Variants in CAST observed in about 807,000 individuals in gnomAD.
CAST encodes the protein calpastatin, also known as MIR583 host.
CAST carries 76 observed loss-of-function variants against 119.6 expected under a neutral mutation model. The ratio of observed to expected loss-of-function variants is 0.64; its 90% confidence interval spans 0.53 to 0.77. CAST has a LOEUF of 0.77. Among genes scored for constraint, CAST ranks in the 30% least tolerant of loss-of-function variants. CAST has a pLI of 0.00. For synonymous variants in CAST, 319 were observed against 331.6 expected (o/e 0.96, Z 0.41); for missense variants, 953 against 946.5 (o/e 1.01, Z -0.09).
the CAST span, among the ~76,000 whole-genome samples, chr5:96,038,501 C>T: frequency 6.6e-6 from 1 of 151,896 alleles, no homozygotes; most frequent in African/African-American, 2.4e-5. Flanking sequence ...AGGTATTTCT[C>T]CTAATGTTAT....
chr5:96,109,548 G>T, the CAST span, among the ~76,000 whole-genome samples: 1 of 152,204 alleles, frequency 6.6e-6, no homozygotes, highest in East Asian at 1.9e-4. Context: ...CTCTAAGAGT[G>T]TTTGGCAATC....
At chr5:96,358,069 G>T in the CAST span, among the ~76,000 whole-genome samples, 2 of 152,150 alleles carry the variant, frequency 1.3e-5, no homozygotes, top group Non-Finnish European at 2.9e-5. Context: ...GAGGGTGTGT[G>T]TGTCCAGGAA....
At chr5:96,074,307 G>A in the CAST span, among the ~76,000 whole-genome samples, 1 of 152,236 alleles carries the variant, frequency 6.6e-6, no homozygotes. Flanking sequence ...AACACCCCCA[G>A]TGTGGTGGTA....
chr5:96,318,944 T>G, the CAST span: 1 of 152,190 alleles, frequency 6.6e-6, no homozygotes, highest in Non-Finnish European at 1.5e-5. Flanking sequence ...TATGAGGTAG[T>G]GTGTTAGTAC....
At chr5:96,353,969 T>C in the CAST span, among the ~76,000 whole-genome samples, 1 of 152,184 alleles carries the variant, frequency 6.6e-6, no homozygotes, top group Non-Finnish European at 1.5e-5. Context: ...CATATAGTCT[T>C]CCACATCTCA....
At chr5:96,711,776 A>G (rs1756211919) in intron 3 of CAST, among the ~76,000 whole-genome samples, 1 of 152,198 alleles carries the variant, frequency 6.6e-6, no homozygotes, top group African/African-American at 2.4e-5. Flanking sequence ...CTGGAAATCA[A>G]TATTGTGCTC....
At chr5:96,446,300 G>C in the CAST span, among the ~76,000 whole-genome samples, 2 of 151,968 alleles carry the variant, frequency 1.3e-5, no homozygotes, top group African/African-American at 4.8e-5. Context: ...TGTGGTACAA[G>C]AACTATTTTT....
chr5:96,268,015 C>T, the CAST span, among the ~76,000 whole-genome samples: 1 of 152,088 alleles, frequency 6.6e-6, no homozygotes, highest in Non-Finnish European at 1.5e-5. Context: ...TTTAAAATAA[C>T]TTATTATATC....
At chr5:96,569,709 A>G (rs949764643) in intron 1 of CAST, among the ~76,000 whole-genome samples, 3 of 152,220 alleles carry the variant, frequency 2.0e-5, no homozygotes, top group African/African-American at 4.8e-5. Context: ...TCAACACAGC[A>G]CTAAACAAGT....
chr5:96,199,036 A>C, the CAST span, among the ~76,000 whole-genome samples: 2 of 152,182 alleles, frequency 1.3e-5, no homozygotes, highest in Admixed American at 1.3e-4. Context: ...TCCATGAGCC[A>C]AAGGGACTGG....
the CAST span, among the ~76,000 whole-genome samples, chr5:96,402,378 T>C: frequency 1.3e-5 from 2 of 152,158 alleles, no homozygotes; most frequent in Non-Finnish European, 2.9e-5. Flanking sequence ...TCATGTTCTT[T>C]CCATATTGAC....
chr5:96,150,836 G>C, the CAST span, among the ~76,000 whole-genome samples: 2 of 152,176 alleles, frequency 1.3e-5, no homozygotes, highest in Non-Finnish European at 2.9e-5. Context: ...ACCCCATAAA[G>C]AGCAGGCCTG....
At chr5:96,748,065 C>G (rs1447208835) in intron 18 of CAST, among the ~76,000 whole-genome samples, 2 of 152,150 alleles carry the variant, frequency 1.3e-5, no homozygotes, top group Non-Finnish European at 2.9e-5. Context: ...TACCACTCTC[C>G]TGAAAGAACA....
chr5:96,551,789 C>T (rs1404848828), intron 1 of CAST, among the ~76,000 whole-genome samples: 1 of 152,038 alleles, frequency 6.6e-6, no homozygotes, highest in East Asian at 1.9e-4. Flanking sequence ...ATAAAACAGA[C>T]TTTAACCCAA....
At chr5:96,177,031 G>A in the CAST span, among the ~76,000 whole-genome samples, 1 of 152,142 alleles carries the variant, frequency 6.6e-6, no homozygotes, top group Non-Finnish European at 1.5e-5. Context: ...CCTAAAGTAA[G>A]AGTTGGTCAC....
At chr5:96,325,144 C>T in the CAST span, among the ~76,000 whole-genome samples, 4 of 151,918 alleles carry the variant, frequency 2.6e-5, no homozygotes, top group Admixed American at 6.6e-5. Context: ...GTAGAGGTTG[C>T]GGTTACCTGA....
chr5:96,695,031 T>C lies in CAST; in HGVS notation c.139-805T>C, dbSNP rs1050595895. ...GATATTTCATCCTATGGCTCTCCCATAACGTAACCCCCTATTATGGGATGC... is the reference window on the plus strand; with the variant it reads ...GATATTTCATCCTATGGCTCTCCCACAACGTAACCCCCTATTATGGGATGC... On this transcript the variant is annotated intron_variant, in intron 2 of 31. Transcript: ENST00000675179. Among the ~76,000 whole-genome samples, 31 of 152,342 alleles carry C rather than the reference T, an allele frequency of 2.0e-4. 1 individual carries two copies. Among genetic ancestry groups the C allele is most frequent in the Admixed American group, 1.9e-3 (29 of 15,308 alleles).
the CAST span, among the ~76,000 whole-genome samples, chr5:96,350,968 A>T: frequency 6.6e-6 from 1 of 152,136 alleles, no homozygotes; most frequent in Non-Finnish European, 1.5e-5. Context: ...CATGTCATGC[A>T]TTTTTCTGTG....
chr5:96,655,402 A>G (rs191800248), intron 1 of CAST, among the ~76,000 whole-genome samples: 4 of 152,362 alleles, frequency 2.6e-5, no homozygotes, highest in Admixed American at 2.6e-4. Flanking sequence ...AGACCCAGGC[A>G]AAGAGAAGCT....
Sources: allele counts gnomAD v4.1 joint callset (sites outside exome capture counted in the v4.1 genomes callset), GRCh38; gene constraint gnomAD v4.1.1; transcripts MANE v1.5; gene names NCBI Gene and HGNC (gene_info 2026-07-23, HGNC 2026-07-21).